UNC13A: variants seen among roughly 807,000 people sequenced by gnomAD.
UNC13A encodes the protein unc-13 homolog A.
Under a neutral mutation model 219.7 loss-of-function variants are expected in UNC13A, and 61 were observed. The observed-to-expected ratio is 0.28, with a 90% CI of 0.23 to 0.34. The LOEUF (loss-of-function observed/expected upper bound fraction) is 0.34. Ranked by LOEUF, UNC13A falls within the 10% of genes least tolerant of loss-of-function variation. The probability of loss-of-function intolerance (pLI) is 1.00; values close to 1 mark genes in which losing one functional copy is unlikely to be tolerated. For synonymous variants in UNC13A, 920 were observed against 884.6 expected (o/e 1.04, Z -0.71); for missense variants, 1,476 against 2,270.3 (o/e 0.65, Z 7.11).
intron 2 of UNC13A, among the ~76,000 whole-genome samples, chr19:17,675,121 A>C (rs2079871992): frequency 6.6e-6 from 1 of 152,090 alleles, no homozygotes; most frequent in African/African-American, 2.4e-5. Flanking sequence ...TGAGCCCAGC[A>C]GTTCAAGACC....
At chr19:17,658,369 A>C in intron 8 of UNC13A, 100 bp from the exon 9 acceptor site, 2 of 1,182,590 alleles carry the variant, frequency 1.7e-6, no homozygotes, top group African/African-American at 1.5e-5. Flanking sequence ...CTACCGAAGA[A>C]GAGAATTTTT....
At chr19:17,616,458 C>T (rs1249894568) in intron 41 of UNC13A, 6 of 692,894 alleles carry the variant, frequency 8.7e-6, no homozygotes, top group South Asian at 1.5e-5. Flanking sequence ...ACCTTTTCCA[C>T]CATGGACTAA....
chr19:17,640,043 TTTTTG>T, intron 22 of UNC13A, 135 bp from the exon 23 acceptor site: 1 of 915,300 alleles, frequency 1.1e-6, no homozygotes, highest in Non-Finnish European at 1.7e-6. Context: ...GGCATTTTTT[TTTTTG>T]TTTTGAGACA....
rs1446096738 is a variant in UNC13A at position 17,641,559 on chromosome 19, G to A, written c.2473-3C>T. 2 of 1,613,854 alleles carry A rather than the reference G, an allele frequency of 1.2e-6. No homozygotes were observed. The highest frequency in any genetic ancestry group is 1.3e-5 in the African/African-American group (1 of 75,046). On this transcript the variant is annotated splice_region_variant and splice_polypyrimidine_tract_variant and intron_variant, in intron 20 of 43. Transcript: ENST00000519716. ...TCGGTCACGAAGTGGAACAGGTTCTGCCACCATGGGAGAGAAAGTGTCATG... is the reference window on the plus strand; with the variant it reads ...TCGGTCACGAAGTGGAACAGGTTCTACCACCATGGGAGAGAAAGTGTCATG...
intron 24 of UNC13A, 53 bp from the exon 25 acceptor site, chr19:17,639,270 A>G: frequency 6.2e-7 from 1 of 1,608,920 alleles, no homozygotes; most frequent in African/African-American, 1.3e-5. Context: ...GGAGGTCCCC[A>G]GGAAGTGACT....
In UNC13A at chr19:17,683,993, G is replaced by A. The variant is rs149159105; in HGVS notation, c.22+4185C>T. On this transcript the variant is annotated intron_variant, in intron 1 of 43. Coordinates refer to ENST00000519716, the MANE Select transcript of UNC13A (RefSeq NM_001080421.3). Reference sequence around the variant, plus strand: ...TGCCTATACTCCCAGCTACTTGGGAGGCTGAGGCAGGAGGATCACTTGAGC... The same window carrying A: ...TGCCTATACTCCCAGCTACTTGGGAAGCTGAGGCAGGAGGATCACTTGAGC... Among the ~76,000 whole-genome samples the A allele has an allele frequency of 6.0e-4, 92 of 152,296 alleles. 1 individual carries two copies. In the East Asian group the frequency reaches 0.016, roughly 27 times the overall value.
At chr19:17,647,741 C>T (rs535646878) in intron 16 of UNC13A, among the ~76,000 whole-genome samples, 2 of 151,680 alleles carry the variant, frequency 1.3e-5, no homozygotes, top group East Asian at 2.0e-4. Flanking sequence ...CTTGGAGTCC[C>T]CACTGGTTTT....
At chr19:17,684,773 G>C (rs1285221977) in intron 1 of UNC13A, among the ~76,000 whole-genome samples, 3 of 152,218 alleles carry the variant, frequency 2.0e-5, no homozygotes, top group African/African-American at 7.2e-5. Context: ...ATATGAGTGT[G>C]CATGTGTGCA....
chr19:17,630,615 G>A (rs1568512444), intron 29 of UNC13A, 39 bp downstream of exon 29: 7 of 1,606,696 alleles, frequency 4.4e-6, no homozygotes, highest in Non-Finnish European at 6.0e-6. Context: ...TGACCCCAGT[G>A]GGAAGATTAG....
chr19:17,630,399 G>T, intron 29 of UNC13A, 111 bp from the exon 30 acceptor site: 1 of 1,478,202 alleles, frequency 6.8e-7, no homozygotes. Context: ...TCCCCGGGGT[G>T]AGATGGACAG....
chr19:17,680,879 C>CTTTTTTTTTTTTTTTTTTTTTTTTT (rs2079996579), intron 1 of UNC13A, among the ~76,000 whole-genome samples: 1 of 80,192 alleles, frequency 1.2e-5, no homozygotes, highest in South Asian at 4.5e-4. Context: ...CTTTTTTTTT[C>CTTTTTTTTTTTTTTTTTTTTTTTTT]TTTTCTTTTC....
intron 4 of UNC13A, 72 bp from the exon 5 acceptor site, chr19:17,669,748 C>A (rs2079742335): frequency 2.0e-6 from 3 of 1,506,824 alleles, no homozygotes; most frequent in Admixed American, 2.1e-5. Context: ...CCTACTCTCG[C>A]ATGAGACATC....
chr19:17,671,239 T>G (rs1405815480), intron 4 of UNC13A, among the ~76,000 whole-genome samples: 1 of 151,910 alleles, frequency 6.6e-6, no homozygotes, highest in Non-Finnish European at 1.5e-5. Flanking sequence ...GGAGGACACT[T>G]GAAGCTCAGG....
At chr19:17,621,988 A>C (rs570451282) in intron 36 of UNC13A, 118 bp from the exon 37 acceptor site, 1 of 1,031,882 alleles carries the variant, frequency 9.7e-7, no homozygotes, top group African/African-American at 1.6e-5. Flanking sequence ...GGTACTGGTG[A>C]CTGGGTTGCA....
Position 17,645,824 on chromosome 19 carries a change from C to G in UNC13A, c.2206G>C (p.Asp736His). 6.2e-7 allele frequency: 1 copy of G among 1,610,980 alleles called. No homozygotes were observed. The highest frequency in any genetic ancestry group is 8.5e-7 in the Non-Finnish European group (1 of 1,178,602). The stretch of plus-strand genomic sequence containing the variant: ...TCCCAGACGCGCACCTTGATGCGGT[C>G]GGAGGAATTGTGACATTCACTGTGG... ...NFHFECHNSS[D>H]RIKVRVWDED... Residue 736 changes from aspartate (D) to histidine (H), a missense_variant, in exon 19 of 44, where the codon GAC (aspartate) becomes CAC (histidine). Around this residue, in one of 14 missense-constraint regions of UNC13A, gnomAD observed 66 missense variants for 224.3 expected, o/e 0.29. Transcript: ENST00000519716.
intron 31 of UNC13A, 170 bp from the exon 32 acceptor site, chr19:17,628,110 C>T (rs1056568454): frequency 1.4e-5 from 9 of 628,372 alleles, no homozygotes; most frequent in African/African-American, 7.4e-5. Context: ...GGTTCCTGGG[C>T]GTGTTGTTGG....
intron 31 of UNC13A, among the ~76,000 whole-genome samples, chr19:17,628,548 C>G (rs553759320): frequency 6.6e-6 from 1 of 151,834 alleles, no homozygotes; most frequent in South Asian, 2.1e-4. Context: ...ACATGCACAG[C>G]TGGACACACA....
At chr19:17,646,712 G>C (rs1429419040) in intron 17 of UNC13A, among the ~76,000 whole-genome samples, 1 of 151,976 alleles carries the variant, frequency 6.6e-6, no homozygotes, top group Non-Finnish European at 1.5e-5. Context: ...TACCACCCCA[G>C]CTCCGTCCTG....
intron 12 of UNC13A, 79 bp downstream of exon 12, chr19:17,652,552 G>A: frequency 6.3e-7 from 1 of 1,584,078 alleles, no homozygotes; most frequent in Non-Finnish European, 8.7e-7. Context: ...CCTCCTCTCT[G>A]GGCTGAGGCT....
Sources: gnomAD v4.1 joint callset for allele counts (sites outside exome capture counted in the v4.1 genomes callset) on GRCh38, gnomAD v4.1.1 for gene constraint, gnomAD v4.1.1 regional missense constraint, MANE v1.5 for transcripts, NCBI Gene and HGNC (gene_info 2026-07-23, HGNC 2026-07-21) for gene names.